Variants in GALNT6 observed in about 807,000 individuals in gnomAD.
The protein encoded by GALNT6 is polypeptide N-acetylgalactosaminyltransferase 6.
Under a neutral mutation model 65.9 loss-of-function variants are expected in GALNT6, and 51 were observed. The observed-to-expected ratio is 0.77, with a 90% confidence interval of 0.62 to 0.98. GALNT6 has a LOEUF of 0.98. Ranked by LOEUF, GALNT6 falls within the 50% of genes least tolerant of loss-of-function variation. The pLI is 0.00. For synonymous variants in GALNT6, 323 were observed against 315.1 expected, an observed-to-expected ratio of 1.02 and a Z score of -0.26; for missense variants, 708 against 803.3, an observed-to-expected ratio of 0.88 and a Z score of 1.43.
chr12:51,380,433 G>C (rs192420235), intron 2 of GALNT6, among the ~76,000 whole-genome samples: 3 of 152,314 alleles, frequency 2.0e-5, no homozygotes, highest in African/African-American at 7.2e-5. Context: ...ACTTCTCCAT[G>C]CAACAATGTG....
At chr12:51,376,526 G>A (rs1486236130) in intron 4 of GALNT6, among the ~76,000 whole-genome samples, 2 of 151,600 alleles carry the variant, frequency 1.3e-5, no homozygotes, top group African/African-American at 4.8e-5. Context: ...CCAGCTACTA[G>A]GGAGGCTGAG....
intron 6 of GALNT6, 125 bp downstream of exon 6, chr12:51,363,996 G>T: frequency 2.7e-6 from 2 of 731,310 alleles, no homozygotes; most frequent in Non-Finnish European, 2.5e-6. Context: ...AGGGAGTGAG[G>T]ATTAATCACA....
chr12:51,380,103 A>G lies in GALNT6; in HGVS notation c.-103-219T>C, dbSNP rs568879427. ...TCCTAATATGCATGGATCTAGAGTC[A>G]CTGGAACACTGAAACACTACATGAG... On this transcript the variant is annotated intron_variant, in intron 2 of 11. Transcript: ENST00000356317. Among the ~76,000 whole-genome samples, 9 of 152,318 alleles carry G rather than the reference A, an allele frequency of 5.9e-5. No individual in the cohort carries two copies. The East Asian group carries it at 1.3e-3, about 23-fold the overall frequency.
rs747557675 is a variant in GALNT6 at position 51,384,691 on chromosome 12, C to CAAAAA, written c.-103-4812_-103-4808dup. 5.7e-3 allele frequency among the ~76,000 whole-genome samples: 508 copies of CAAAAA among 89,028 alleles called. 13 individuals are homozygous for CAAAAA. Among genetic ancestry groups the CAAAAA allele is most frequent in the Middle Eastern group, 0.013 (2 of 154 alleles). The allele number at this position is 89,028 out of a possible 152,430, so 58.4% of individuals were successfully genotyped here. ...TGGGTGACAGAGCAAGACTCTGTCT[C>CAAAAA]AAAAAAAAAAAAAAAAAAAAGACCA... On this transcript the variant is annotated intron_variant, in intron 2 of 11. Coordinates refer to ENST00000356317, the MANE Select transcript of GALNT6 (RefSeq NM_007210.4).
intron 2 of GALNT6, among the ~76,000 whole-genome samples, chr12:51,380,361 A>G (rs1947623226): frequency 6.6e-6 from 1 of 152,240 alleles, no homozygotes; most frequent in East Asian, 1.9e-4. Flanking sequence ...AGCAGAATGA[A>G]TAAATAAAGT....
chr12:51,388,610 G>A (rs903253195), intron 2 of GALNT6, among the ~76,000 whole-genome samples: 2 of 152,082 alleles, frequency 1.3e-5, no homozygotes, highest in Non-Finnish European at 2.9e-5. Context: ...TACTACCCGT[G>A]CTTTCCTTAC....
chr12:51,355,098 G>T (rs1454464390), intron 11 of GALNT6, among the ~76,000 whole-genome samples: 1 of 152,194 alleles, frequency 6.6e-6, no homozygotes, highest in Non-Finnish European at 1.5e-5. Flanking sequence ...TCCGGCTCCA[G>T]CTCATCTGTA....
chr12:51,366,209 C>T lies in GALNT6; in HGVS notation c.665-630G>A, dbSNP rs537149355. ...CTGGGATTACAGGCATGAGCCACCA[C>T]GCCCGGCCCAAGTACAAAATTCTGA... is the stretch of plus-strand genomic sequence containing the variant. On this transcript the variant is annotated intron_variant, in intron 4 of 11. Transcript: ENST00000356317. 6.6e-5 allele frequency among the ~76,000 whole-genome samples: 10 copies of T among 152,338 alleles called. No homozygotes were observed. In the East Asian group the frequency reaches 7.7e-4, roughly 12 times the overall value.
chr12:51,389,242 T>C (rs565965549), intron 2 of GALNT6, among the ~76,000 whole-genome samples: 1 of 152,356 alleles, frequency 6.6e-6, no homozygotes, highest in African/African-American at 2.4e-5. Context: ...TCAGCATCCC[T>C]TCCAGGGCTG....
intron 4 of GALNT6, among the ~76,000 whole-genome samples, chr12:51,365,781 T>C (rs1245726332): frequency 1.3e-5 from 2 of 152,190 alleles, no homozygotes; most frequent in African/African-American, 4.8e-5. Flanking sequence ...AAAGAAGCCC[T>C]GTCTGTGGTC....
Position 51,351,640 on chromosome 12 carries a change from G to A in GALNT6, c.*2739C>T, listed in dbSNP as rs2137496324. On this transcript the variant is annotated 3_prime_UTR_variant, in exon 12 of 12. Transcript: ENST00000356317. ...CACCTCTTGGAGCATCTCCAGGCTTGCTATGATTTGCTTACATTTAGCGTG... is the reference window on the plus strand; with the variant it reads ...CACCTCTTGGAGCATCTCCAGGCTTACTATGATTTGCTTACATTTAGCGTG... 6.6e-6 allele frequency: 1 copy of A among 152,374 alleles called. No homozygotes were observed. The highest frequency in any genetic ancestry group is 2.4e-5 in the African/African-American group (1 of 41,588). 9.4% of individuals were successfully genotyped at this position (152,374 alleles called of 1,614,324 possible).
intron 2 of GALNT6, among the ~76,000 whole-genome samples, chr12:51,383,870 T>G (rs1275305262): frequency 6.6e-6 from 1 of 152,138 alleles, no homozygotes; most frequent in African/African-American, 2.4e-5. Context: ...GTGTAGGAGA[T>G]GATTCCCAGA....
intron 4 of GALNT6, among the ~76,000 whole-genome samples, chr12:51,368,865 G>C (rs1209740963): frequency 1.3e-5 from 2 of 152,172 alleles, no homozygotes; most frequent in African/African-American, 4.8e-5. Context: ...AGGACCTCAG[G>C]AATCAAAATC....
At position 51,379,441 on chromosome 12, in the gene GALNT6, C is replaced by T. The variant is rs1412029547; in HGVS notation, c.341G>A (p.Gly114Glu). The change falls in exon 3 of 12, where the codon GGG becomes GAG. Residue 114 changes from glycine to glutamate, a missense_variant. Gly to Glu is a moderately conservative substitution (Grantham distance 98). Transcript: ENST00000356317. Reference protein sequence around the residue: ...ERPPQDPNAPGADGKAFQKSK... With the variant: ...ERPPQDPNAPEADGKAFQKSK... ...CTTCTGAAATGCTTTTCCATCTGCCCCAGGGGCATTGGGGTCCTGTGGTGG... is the reference window on the plus strand; with the variant it reads ...CTTCTGAAATGCTTTTCCATCTGCCTCAGGGGCATTGGGGTCCTGTGGTGG... 1.9e-6 allele frequency: 3 copies of T among 1,613,660 alleles called. No homozygotes were observed. In the Admixed American group the frequency reaches 5.0e-5, roughly 27 times the overall value.
chr12:51,362,812 T>A (rs1337963534), intron 6 of GALNT6, among the ~76,000 whole-genome samples: 2 of 152,116 alleles, frequency 1.3e-5, no homozygotes, highest in African/African-American at 4.8e-5. Flanking sequence ...TTTCTCCCTG[T>A]GGCATTCACC....
At chr12:51,367,809 A>G (rs1341856241) in intron 4 of GALNT6, among the ~76,000 whole-genome samples, 2 of 152,236 alleles carry the variant, frequency 1.3e-5, no homozygotes, top group African/African-American at 4.8e-5. Context: ...AGGTGTCTTC[A>G]TGGTGACTTC....
intron 4 of GALNT6, among the ~76,000 whole-genome samples, chr12:51,372,285 T>C (rs1271390101): frequency 6.6e-6 from 1 of 152,212 alleles, no homozygotes; most frequent in South Asian, 2.1e-4. Context: ...CAGGGCTCAC[T>C]GCAACCTTGA....
chr12:51,375,718 T>C (rs570165570), intron 4 of GALNT6, among the ~76,000 whole-genome samples: 51 of 152,066 alleles, frequency 3.4e-4, no homozygotes, highest in African/African-American at 1.2e-3. Flanking sequence ...CTGCCACGCC[T>C]GGCTAATTTT....
At chr12:51,390,338 A>AT (rs1483215177) in intron 2 of GALNT6, among the ~76,000 whole-genome samples, 10 of 151,338 alleles carry the variant, frequency 6.6e-5, no homozygotes, top group African/African-American at 2.4e-4. Context: ...AACTTTTTGT[A>AT]TTTTTTGTGG....
Sources: gnomAD v4.1 joint callset for allele counts (sites outside exome capture counted in the v4.1 genomes callset) on GRCh38, gnomAD v4.1.1 for gene constraint, MANE v1.5 for transcripts, NCBI Gene and HGNC (gene_info 2026-07-23, HGNC 2026-07-21) for gene names.